PPARG: variants seen among roughly 807,000 people sequenced by gnomAD.
The protein encoded by PPARG is peroxisome proliferator-activated receptor gamma.
A neutral mutation model predicts 39.2 loss-of-function variants in PPARG; 17 were observed. The ratio of observed to expected loss-of-function variants is 0.43; its 90% CI spans 0.30 to 0.65. PPARG has a LOEUF of 0.65. Among genes scored for constraint, PPARG ranks in the 30% least tolerant of loss-of-function variants. PPARG has a pLI of 0.13. For missense variants in PPARG, 406 were observed against 585.9 expected, an observed-to-expected ratio of 0.69 and a Z score of 3.17; for synonymous variants, 223 against 215.7, an observed-to-expected ratio of 1.03 and a Z score of -0.30.
chr3:12,430,354 C>T (rs60258235), intron 7 of PPARG, among the ~76,000 whole-genome samples: 36 of 152,358 alleles, frequency 2.4e-4, no homozygotes, highest in African/African-American at 8.4e-4. Flanking sequence ...AACGTAGTCT[C>T]TGCCCTCTGA....
Position 12,415,882 on chromosome 3 carries a change from G to A in PPARG, c.730-822G>A, listed in dbSNP as rs562062969. Among the ~76,000 whole-genome samples the A allele has an allele frequency of 2.6e-4, 39 of 152,056 alleles. 1 individual carries two copies. In the South Asian group the frequency reaches 7.1e-3, roughly 28 times the overall value. The stretch of plus-strand genomic sequence containing the variant: ...GATCTGAGAGGATTTCATCTAAAAC[G>A]GAAAAGTTATTACCTGTGAAGGAGA... On this transcript the variant is annotated intron_variant, in intron 6 of 7. Coordinates refer to ENST00000651735, the MANE Select transcript of PPARG (RefSeq NM_138711.6).
At chr3:12,394,658 T>C (rs4371498) in intron 5 of PPARG, among the ~76,000 whole-genome samples, 1 of 152,188 alleles carries the variant, frequency 6.6e-6, no homozygotes, top group Non-Finnish European at 1.5e-5. Flanking sequence ...ATTGCAAACA[T>C]AACTAAGAAA....
intron 7 of PPARG, 51 bp downstream of exon 7, chr3:12,417,205 G>A (rs777639538): frequency 7.0e-5 from 110 of 1,574,908 alleles, no homozygotes; most frequent in Non-Finnish European, 4.4e-5. Flanking sequence ...TGATGGTGGG[G>A]TGGCCAAAAG....
At chr3:12,427,854 G>T (rs994878188) in intron 7 of PPARG, among the ~76,000 whole-genome samples, 2 of 152,144 alleles carry the variant, frequency 1.3e-5, no homozygotes, top group African/African-American at 4.8e-5. Flanking sequence ...CTGAACTAAG[G>T]TCTTTCATTG....
At chr3:12,334,019 A>G (rs372015630) in intron 2 of PPARG, among the ~76,000 whole-genome samples, 14 of 152,168 alleles carry the variant, frequency 9.2e-5, no homozygotes, top group African/African-American at 1.9e-4. Context: ...CTATTATTGG[A>G]TGCAATTCTT....
intron 2 of PPARG, among the ~76,000 whole-genome samples, chr3:12,339,906 C>G (rs1355921409): frequency 6.6e-6 from 1 of 152,186 alleles, no homozygotes; most frequent in Non-Finnish European, 1.5e-5. Flanking sequence ...CTAATTCTTG[C>G]TCACGCAAGC....
At chr3:12,297,903 G>A (rs1489119394) in intron 1 of PPARG, 1 of 151,828 alleles carries the variant, frequency 6.6e-6, no homozygotes, top group Non-Finnish European at 1.5e-5. Flanking sequence ...ACAGAATGTT[G>A]CACTTATAAA....
At chr3:12,369,568 G>A (rs1232554439) in intron 2 of PPARG, among the ~76,000 whole-genome samples, 1 of 152,014 alleles carries the variant, frequency 6.6e-6, no homozygotes, top group African/African-American at 2.4e-5. Flanking sequence ...CTTACTGTGG[G>A]AGATAATAAT....
At chr3:12,368,965 G>A (rs1575068739) in intron 2 of PPARG, among the ~76,000 whole-genome samples, 1 of 152,134 alleles carries the variant, frequency 6.6e-6, no homozygotes, top group East Asian at 1.9e-4. Context: ...ACACATGTAA[G>A]AAATAGAGTT....
intron 2 of PPARG, among the ~76,000 whole-genome samples, chr3:12,362,061 G>A (rs1483172923): frequency 6.6e-6 from 1 of 151,886 alleles, no homozygotes; most frequent in Non-Finnish European, 1.5e-5. Context: ...TTTCCCCTGG[G>A]TATTTGATTG....
rs556473317 is a variant in PPARG, at chr3:12,339,155, A to G, written c.-9+26702A>G. ...GCCACAACCTGAACCTCCAGACTCA[A>G]CCTCGGAACCTCCAAAACATTATGC... On this transcript the variant is annotated intron_variant, in intron 2 of 7. Coordinates refer to ENST00000651735, the MANE Select transcript of PPARG (RefSeq NM_138711.6). 2.6e-5 allele frequency among the ~76,000 whole-genome samples: 4 copies of G among 152,276 alleles called. No individual in the cohort carries two copies. The South Asian group carries it at 6.2e-4, about 24-fold the overall frequency.
intron 5 of PPARG, among the ~76,000 whole-genome samples, chr3:12,404,642 A>T (rs1024737945): frequency 6.6e-6 from 1 of 152,122 alleles, no homozygotes; most frequent in Admixed American, 6.5e-5. Flanking sequence ...TGTCTCTACT[A>T]AAAATACAAA....
chr3:12,379,483 T>C (rs984420435), intron 2 of PPARG, among the ~76,000 whole-genome samples: 5 of 152,218 alleles, frequency 3.3e-5, no homozygotes, highest in African/African-American at 1.2e-4. Context: ...CTGCACTGTT[T>C]CAGGATCCTC....
chr3:12,389,769 T>C (rs780114070), intron 4 of PPARG, among the ~76,000 whole-genome samples: 2 of 151,884 alleles, frequency 1.3e-5, no homozygotes, highest in Non-Finnish European at 2.9e-5. Context: ...TGGTGGTGCA[T>C]GCCTATAATC....
chr3:12,377,039 G>A (rs956934248), intron 2 of PPARG, among the ~76,000 whole-genome samples: 2 of 151,988 alleles, frequency 1.3e-5, no homozygotes, highest in African/African-American at 2.4e-5. Context: ...ATAATGAACT[G>A]GTGTCAGGTA....
intron 2 of PPARG, among the ~76,000 whole-genome samples, chr3:12,355,438 T>A (rs539779650): frequency 6.6e-6 from 1 of 152,322 alleles, no homozygotes; most frequent in African/African-American, 2.4e-5. Flanking sequence ...AGCCTGCCCC[T>A]GAATTCCATA....
chr3:12,327,283 G>C (rs1452218891), intron 2 of PPARG, among the ~76,000 whole-genome samples: 3 of 152,188 alleles, frequency 2.0e-5, no homozygotes, highest in Non-Finnish European at 4.4e-5. Flanking sequence ...TCTGGACGTA[G>C]AGTTTTCAAA....
At chr3:12,333,140 T>C (rs1174515778) in intron 2 of PPARG, among the ~76,000 whole-genome samples, 1 of 151,554 alleles carries the variant, frequency 6.6e-6, no homozygotes, top group Non-Finnish European at 1.5e-5. Context: ...AAGTGGGCCT[T>C]GTAAAAACAA....
intron 1 of PPARG, among the ~76,000 whole-genome samples, chr3:12,300,047 G>T (rs1410567114): frequency 1.3e-5 from 2 of 152,108 alleles, no homozygotes; most frequent in Non-Finnish European, 2.9e-5. Flanking sequence ...TGAACCACAT[G>T]AATTTTTTGG....
Sources: gnomAD v4.1 joint callset for allele counts (sites outside exome capture counted in the v4.1 genomes callset) on GRCh38, gnomAD v4.1.1 for gene constraint, MANE v1.5 for transcripts, NCBI Gene and HGNC (gene_info 2026-07-23, HGNC 2026-07-21) for gene names.